ZNF143: variants seen among roughly 807,000 people sequenced by gnomAD.
The protein encoded by ZNF143 is zinc finger protein 143, also known as SPH-binding factor.
Under a neutral mutation model 74.1 loss-of-function variants are expected in ZNF143, and 49 were observed. That is an observed-to-expected ratio of 0.66 (90% CI 0.53 to 0.84). The LOEUF (loss-of-function observed/expected upper bound fraction) is 0.84, where lower values mean the gene tolerates loss of function less well. ZNF143 is among the 40% of genes least tolerant of loss of function. The pLI is 0.00. For missense variants in ZNF143, 637 were observed against 793.4 expected (o/e 0.80, Z 2.37); for synonymous variants, 304 against 282.8 (o/e 1.07, Z -0.75).
intron 11 of ZNF143, among the ~76,000 whole-genome samples, chr11:9,504,291 G>T (rs1848276003): frequency 1.1e-5 from 1 of 90,018 alleles, no homozygotes; most frequent in African/African-American, 3.0e-5. Context: ...TTAGCCATGT[G>T]TATATCTTCT....
At chr11:9,509,125 G>T (rs1172556211) in intron 12 of ZNF143, among the ~76,000 whole-genome samples, 1 of 152,134 alleles carries the variant, frequency 6.6e-6, no homozygotes, top group African/African-American at 2.4e-5. Context: ...TTGCTGGGAA[G>T]GGAAGCAGGA....
chr11:9,527,816 G>C lies in ZNF143; in HGVS notation c.*203G>C. 1 of 491,842 alleles carries C rather than the reference G, an allele frequency of 2.0e-6. No homozygotes were observed. The allele number at this position is 491,842 out of a possible 1,614,324, so 30.5% of individuals were successfully genotyped here. ...ATAGATTCTCAGAGTGATTCATTGT[G>C]TACAAGGAAGTATGAAATTAGGGCA... On this transcript the variant is annotated 3_prime_UTR_variant, in exon 16 of 16. Coordinates refer to ENST00000396602, the MANE Select transcript of ZNF143 (RefSeq NM_003442.6).
At chr11:9,521,376 T>C (rs1848920750) in intron 14 of ZNF143, among the ~76,000 whole-genome samples, 1 of 152,214 alleles carries the variant, frequency 6.6e-6, no homozygotes, top group Non-Finnish European at 1.5e-5. Flanking sequence ...TATGAAATTA[T>C]AAGAAAAAGT....
intron 5 of ZNF143, 127 bp from the exon 6 acceptor site, chr11:9,478,263 T>C: frequency 1.2e-6 from 1 of 857,728 alleles, no homozygotes; most frequent in African/African-American, 1.7e-5. Flanking sequence ...AAATAACACA[T>C]ATCAAGTGCG....
intron 1 of ZNF143, among the ~76,000 whole-genome samples, chr11:9,466,444 T>C (rs552201607): frequency 2.3e-4 from 35 of 151,454 alleles, no homozygotes; most frequent in South Asian, 1.3e-3. Context: ...TACAGGCGTC[T>C]GCCACCACGC....
At chr11:9,525,523 A>G (rs1331628013) in intron 15 of ZNF143, 137 bp downstream of exon 15, 2 of 1,172,618 alleles carry the variant, frequency 1.7e-6, no homozygotes. Context: ...TACTTTAAGG[A>G]AATCGGTGTA....
At chr11:9,496,631 C>CT in intron 9 of ZNF143, among the ~76,000 whole-genome samples, 1 of 151,686 alleles carries the variant, frequency 6.6e-6, no homozygotes. Flanking sequence ...CAGTTTCACT[C>CT]TGTCACTCAG....
intron 14 of ZNF143, among the ~76,000 whole-genome samples, chr11:9,521,174 C>A (rs1848912166): frequency 6.6e-6 from 1 of 152,164 alleles, no homozygotes; most frequent in South Asian, 2.1e-4. Context: ...CCATCATTTA[C>A]ATCAGGATTC....
At chr11:9,512,748 C>T (rs577657966) in intron 13 of ZNF143, 152 bp downstream of exon 13, 307 of 807,954 alleles carry the variant, frequency 3.8e-4, no homozygotes, top group Middle Eastern at 1.1e-3. Context: ...ACAGAGACTA[C>T]GTGCAGAGAG....
chr11:9,508,605 G>C lies in ZNF143; in HGVS notation c.1148-14G>C. 1 of 1,600,904 alleles carries C rather than the reference G, an allele frequency of 6.2e-7. No homozygotes were observed. Among genetic ancestry groups the C allele is most frequent in the South Asian group, 1.1e-5 (1 of 90,352 alleles). ...TATGTAAAAGTTGAACTTTTTTTTG[G>C]TGTTGCTCTTTAGGAGAAAAGCCAT... On this transcript the variant is annotated splice_polypyrimidine_tract_variant and intron_variant, in intron 11 of 15. Coordinates refer to ENST00000396602, the MANE Select transcript of ZNF143 (RefSeq NM_003442.6).
chr11:9,505,005 G>A (rs1259842330), intron 11 of ZNF143, among the ~76,000 whole-genome samples: 1 of 88,166 alleles, frequency 1.1e-5, no homozygotes, highest in Admixed American at 1.4e-4. Flanking sequence ...ATGGAGTCAC[G>A]CCCTGTCACC....
At chr11:9,511,789 T>A (rs1848557615) in intron 12 of ZNF143, among the ~76,000 whole-genome samples, 1 of 146,806 alleles carries the variant, frequency 6.8e-6, no homozygotes, top group Non-Finnish European at 1.5e-5. Context: ...TCTTGCTCTG[T>A]CGCCCAGGCT....
chr11:9,520,439 G>A (rs1316058158), intron 14 of ZNF143, among the ~76,000 whole-genome samples: 1 of 151,044 alleles, frequency 6.6e-6, no homozygotes, highest in African/African-American at 2.4e-5. Context: ...TGAGGCTTTG[G>A]TGAGCCATGT....
intron 3 of ZNF143, among the ~76,000 whole-genome samples, chr11:9,473,015 T>A (rs1204853245): frequency 6.6e-6 from 1 of 151,830 alleles, no homozygotes; most frequent in Non-Finnish European, 1.5e-5. Context: ...AGGGAGTATG[T>A]CTTACTATTT....
chr11:9,479,230 C>T (rs977215636), intron 6 of ZNF143, among the ~76,000 whole-genome samples: 3 of 151,782 alleles, frequency 2.0e-5, no homozygotes, highest in African/African-American at 7.3e-5. Context: ...GTCTTGAACT[C>T]CTGGGCTCAG....
chr11:9,496,044 C>T (rs1847946547), intron 8 of ZNF143, among the ~76,000 whole-genome samples: 1 of 152,092 alleles, frequency 6.6e-6, no homozygotes, highest in Non-Finnish European at 1.5e-5. Context: ...CATGCAGACA[C>T]CTTTGACCAC....
intron 7 of ZNF143, among the ~76,000 whole-genome samples, chr11:9,486,351 ATTATATATATATTATATATAATATAT>A (rs1847477099): frequency 1.6e-5 from 1 of 61,220 alleles, no homozygotes; most frequent in Non-Finnish European, 3.0e-5. Flanking sequence ...TTATATATAT[ATTATATATATATTATATATAATATAT>A]TATATATATA....
chr11:9,494,388 C>T (rs1437724731), intron 7 of ZNF143, among the ~76,000 whole-genome samples: 1 of 152,198 alleles, frequency 6.6e-6, no homozygotes, highest in Non-Finnish European at 1.5e-5. Context: ...TCACTGCAGC[C>T]TTGACCTCCC....
Position 9,472,766 on chromosome 11 carries a change from A to C in ZNF143, c.202A>C (p.Lys68Gln). The C allele has an allele frequency of 6.3e-7, 1 of 1,574,926 alleles. No homozygotes were observed. Among genetic ancestry groups the C allele is most frequent in the Non-Finnish European group, 8.6e-7 (1 of 1,164,286 alleles). Residue 68 changes from lysine to glutamine, a missense_variant, in exon 3 of 16, where the codon AAA becomes CAA. Lys to Gln is a moderately conservative substitution (Grantham distance 53). This residue lies in a region of ZNF143 where 293 missense variants were observed against 307.8 expected (regional missense o/e 0.95). Transcript: ENST00000396602. The stretch of plus-strand genomic sequence containing the variant: ...TACTGCTTACATACAACACAATTCT[A>C]AAGGTATGTGCCTCACATATGGCTG... ...GSTAYIQHNS[K>Q]DAKLIDGQVI...
Sources: allele counts gnomAD v4.1 joint callset (sites outside exome capture counted in the v4.1 genomes callset), GRCh38; gene constraint gnomAD v4.1.1; regional missense constraint gnomAD v4.1.1; transcripts MANE v1.5; gene names NCBI Gene and HGNC (gene_info 2026-07-23, HGNC 2026-07-21).